Variants in LRP4 observed in about 807,000 individuals in gnomAD.
The protein encoded by LRP4 is LDL receptor related protein 4.
LRP4 carries 95 observed loss-of-function variants against 220.3 expected under a neutral mutation model. The observed-to-expected ratio is 0.43, with a 90% CI of 0.37 to 0.51. The LOEUF is 0.51. Ranked by LOEUF, LRP4 falls within the 20% of genes least tolerant of loss-of-function variation. The probability of loss-of-function intolerance (pLI) is 0.00; values close to 1 mark genes in which losing one functional copy is unlikely to be tolerated. For synonymous variants in LRP4, 903 were observed against 954.6 expected, an observed-to-expected ratio of 0.95 and a Z score of 1.00; for missense variants, 1,925 against 2,567.0, an observed-to-expected ratio of 0.75 and a Z score of 5.40.
At chr11:46,878,125 C>T (rs1392290533) in intron 22 of LRP4, among the ~76,000 whole-genome samples, 1 of 152,068 alleles carries the variant, frequency 6.6e-6, no homozygotes, top group East Asian at 1.9e-4. Flanking sequence ...ATCTGGGTAG[C>T]CAGGTACTGC....
At chr11:46,909,879 G>A (rs1941828053) in intron 1 of LRP4, among the ~76,000 whole-genome samples, 1 of 152,122 alleles carries the variant, frequency 6.6e-6, no homozygotes, top group Admixed American at 6.6e-5. Context: ...TCGTTTGCAA[G>A]GCAGCCTCTT....
At chr11:46,860,304 G>A (rs1027449776) in intron 37 of LRP4, among the ~76,000 whole-genome samples, 18 of 151,590 alleles carry the variant, frequency 1.2e-4, no homozygotes, top group Non-Finnish European at 2.4e-4. Flanking sequence ...GGTCCTAAAC[G>A]TCAATATAGT....
chr11:46,898,511 G>A (rs757528788), intron 7 of LRP4, 47 bp downstream of exon 7: 8 of 1,612,822 alleles, frequency 5.0e-6, no homozygotes, highest in African/African-American at 2.7e-5. Flanking sequence ...GGCTCCACAA[G>A]CCTTCTCCTT....
At position 46,890,256 on chromosome 11, in the gene LRP4, A is replaced by C. The variant is rs755288542; in HGVS notation, c.1915+21T>G. ...GGGGCAGGAGGACAAGAGATGAAGG[A>C]GACTGAAGGAAGGGGCTCACCCTGG... On this transcript the variant is annotated intron_variant, in intron 14 of 37. Coordinates refer to ENST00000378623, the MANE Select transcript of LRP4 (RefSeq NM_002334.4). This position sits in a 1 kb window ranked among gnomAD's most constrained non-coding sequence, Gnocchi z 5.3. 1 of 1,612,868 alleles carries C rather than the reference A, an allele frequency of 6.2e-7. No homozygotes were observed.
Position 46,881,734 on chromosome 11 carries a change from C to T in LRP4, c.2782G>A (p.Glu928Lys), listed in dbSNP as rs776754786. ...TTACTGCCATCCAGTCCAGCAAATTCAATTGTCTTCATGCCGGCGTCAGCC... is the reference window on the plus strand; with the variant it reads ...TTACTGCCATCCAGTCCAGCAAATTTAATTGTCTTCATGCCGGCGTCAGCC... ...YWADAGMKTI[E>K]FAGLDGSKRK... Residue 928 changes from glutamate to lysine, a missense_variant, in exon 20 of 38, where the codon GAA becomes AAA. Around this residue, in one of 3 missense-constraint regions of LRP4, gnomAD observed 1,244 missense variants for 1,624.9 expected, o/e 0.77. Transcript: ENST00000378623. 6.2e-7 allele frequency: 1 copy of T among 1,612,994 alleles called. No homozygotes were observed. The highest frequency in any genetic ancestry group is 1.1e-5 in the South Asian group (1 of 90,902).
intron 36 of LRP4, among the ~76,000 whole-genome samples, chr11:46,863,651 T>A (rs1451808695): frequency 6.6e-6 from 1 of 150,762 alleles, no homozygotes. Context: ...TCTAGCTACT[T>A]GGGAGGCTGA....
intron 32 of LRP4, 88 bp from the exon 33 acceptor site, chr11:46,868,801 T>A: frequency 1.6e-6 from 2 of 1,244,374 alleles, no homozygotes; most frequent in East Asian, 4.7e-5. Context: ...AATCCAGGAT[T>A]ACCCTACTCC....
intron 1 of LRP4, among the ~76,000 whole-genome samples, chr11:46,910,404 CTT>C (rs921525087): frequency 1.3e-5 from 2 of 152,322 alleles, no homozygotes; most frequent in African/African-American, 4.8e-5. Flanking sequence ...ATAAGAAGGA[CTT>C]AGCATTACTG....
At chr11:46,860,900 T>G in intron 37 of LRP4, 1 of 967,438 alleles carries the variant, frequency 1.0e-6, no homozygotes, top group Non-Finnish European at 1.2e-6. Context: ...GAAACACCAC[T>G]CCCTCTACAA....
intron 12 of LRP4, among the ~76,000 whole-genome samples, chr11:46,894,025 G>C (rs529906307): frequency 5.4e-4 from 82 of 151,660 alleles, no homozygotes; most frequent in Non-Finnish European, 9.9e-4. Context: ...CCAAGTAGCT[G>C]GGATTACAGG....
chr11:46,918,512 C>T lies in LRP4; in HGVS notation c.-133G>A, dbSNP rs886048358. 6 of 496,576 alleles carry T rather than the reference C, an allele frequency of 1.2e-5. No individual in the cohort carries two copies. Among genetic ancestry groups the T allele is most frequent in the East Asian group, 1.4e-4 (2 of 14,540 alleles). The allele number at this position is 496,576 out of a possible 1,614,324, so 30.8% of individuals were successfully genotyped here. ...GCCTGCGCGCCCCGCAAGTCGCCCT[C>T]GGGCCGCCGCCGCCTCCAGTGCTGC... On this transcript the variant is annotated 5_prime_UTR_variant, in exon 1 of 38. Transcript: ENST00000378623. The surrounding 1 kb of genome is among the most constrained non-coding windows in gnomAD (Gnocchi z 6.0).
At position 46,918,367 on chromosome 11, in the gene LRP4, A is replaced by C; in HGVS notation, c.13T>G (p.Trp5Gly). ...AGGGCGCCAAGCAGCAGCGCGCCCC[A>C]CTGCCGCCTCATGGTGCCGCCCGCG... MRRQ[W>G]GALLLGALLC... The change falls in exon 1 of 38, where the codon TGG (tryptophan) becomes GGG (glycine). Residue 5 changes from tryptophan to glycine, a missense_variant. Trp to Gly is a radical substitution (Grantham distance 184). This residue lies in a region of LRP4 where 412 missense variants were observed against 505.4 expected (regional missense o/e 0.82). Transcript: ENST00000378623. This position sits in a 1 kb window ranked among gnomAD's most constrained non-coding sequence, Gnocchi z 6.0. 1 of 1,471,770 alleles carries C rather than the reference A, an allele frequency of 6.8e-7. No individual in the cohort carries two copies. Among genetic ancestry groups the C allele is most frequent in the South Asian group, 1.3e-5 (1 of 78,294 alleles). 91.2% of individuals were successfully genotyped at this position (1,471,770 alleles called of 1,614,324 possible). A position where few individuals can be genotyped will look rare whatever the true frequency, so the allele number is the denominator to read the frequency against.
At chr11:46,879,365 G>A (rs1473280645) in intron 20 of LRP4, 50 bp from the exon 21 acceptor site, 5 of 1,597,686 alleles carry the variant, frequency 3.1e-6, no homozygotes, top group Non-Finnish European at 4.3e-6. Context: ...TGACAGTACA[G>A]AGCAGTGGCA....
At position 46,864,526 on chromosome 11, in the gene LRP4, A is replaced by T. The variant is rs117936904; in HGVS notation, c.5165T>A (p.Leu1722His). 33,242 of 1,611,148 alleles carry T rather than the reference A, an allele frequency of 0.021. 438 individuals carry two copies. The highest frequency in any genetic ancestry group is 0.022 in the Non-Finnish European group (26,053 of 1,177,336). The change falls in exon 36 of 38, where the codon CTT (leucine) becomes CAT (histidine). Residue 1722 changes from leucine to histidine, a missense_variant. Coordinates refer to ENST00000378623, the MANE Select transcript of LRP4 (RefSeq NM_002334.4). ...TCCACCAATGGCGTAGCTGATATGA[A>T]GTCCTTCCCCTAGGAAGAATAGAGA... is the stretch of plus-strand genomic sequence containing the variant. ...DAVPAAPGEG[L>H]HISYAIGGLL... is the part of the protein sequence containing the mutation.
At chr11:46,885,067 C>T (rs577050239) in intron 18 of LRP4, among the ~76,000 whole-genome samples, 72 of 152,202 alleles carry the variant, frequency 4.7e-4, no homozygotes, top group South Asian at 2.5e-3. Flanking sequence ...CTCACTGCAG[C>T]CTTGAACTCC....
At chr11:46,863,881 G>A (rs2134763739) in intron 36 of LRP4, among the ~76,000 whole-genome samples, 1 of 152,220 alleles carries the variant, frequency 6.6e-6, no homozygotes, top group South Asian at 2.1e-4. Flanking sequence ...ATCCATTAAT[G>A]GTAACTGTTA....
chr11:46,859,820 C>T (rs1291149983), intron 37 of LRP4, among the ~76,000 whole-genome samples: 2 of 152,146 alleles, frequency 1.3e-5, no homozygotes, highest in African/African-American at 4.8e-5. Flanking sequence ...AAGCAATTGG[C>T]AAGAGCAATT....
At position 46,894,725 on chromosome 11, in the gene LRP4, C is replaced by T. The variant is rs780091358; in HGVS notation, c.1404G>A (p.Glu468=). The T allele has an allele frequency of 6.2e-7, 1 of 1,614,234 alleles. No homozygotes were observed. Among genetic ancestry groups the T allele is most frequent in the Non-Finnish European group, 8.5e-7 (1 of 1,180,046 alleles). ...GGTGGAAATCAAGGGCAATGGCATT[C>T]TCCAGGTTGTTAAGCAGCAGTGTGT... ...SEYTLLLNNL[E]NAIALDFHHR... is the part of the protein sequence containing the mutation. The change falls in exon 12 of 38, where the codon GAG becomes GAA. Residue 468 remains glutamate, a synonymous_variant. Transcript: ENST00000378623.
intron 1 of LRP4, among the ~76,000 whole-genome samples, chr11:46,916,613 C>T (rs954602430): frequency 1.3e-5 from 2 of 151,666 alleles, no homozygotes; most frequent in South Asian, 2.1e-4. Context: ...CTTGGCCAGT[C>T]TCAGCCCGGA....
Sources: allele counts gnomAD v4.1 joint callset (sites outside exome capture counted in the v4.1 genomes callset), GRCh38; gene constraint gnomAD v4.1.1; regional missense constraint gnomAD v4.1.1; non-coding constraint Gnocchi (gnomAD v3.1); transcripts MANE v1.5; gene names NCBI Gene and HGNC (gene_info 2026-07-23, HGNC 2026-07-21).